XXYLT1: variants seen among roughly 807,000 people sequenced by gnomAD.
XXYLT1 encodes the protein xyloside xylosyltransferase 1.
Under a neutral mutation model 28.9 loss-of-function variants are expected in XXYLT1, and 20 were observed. The ratio of observed to expected loss-of-function variants is 0.69; its 90% CI spans 0.49 to 1.00. XXYLT1 has a LOEUF of 1.00. Among genes scored for constraint, XXYLT1 ranks in the 50% least tolerant of loss-of-function variants. The pLI is 0.00. For missense variants in XXYLT1, 542 were observed against 560.1 expected (o/e 0.97, Z 0.33); for synonymous variants, 257 against 253.8 (o/e 1.01, Z -0.12).
chr3:195,224,353 C>T (rs1723957982), intron 2 of XXYLT1, among the ~76,000 whole-genome samples: 1 of 152,350 alleles, frequency 6.6e-6, no homozygotes, highest in African/African-American at 2.4e-5. Context: ...GACTGCAAAG[C>T]TCTAGCCAGA....
chr3:195,245,683 T>C (rs1193691253), intron 1 of XXYLT1, among the ~76,000 whole-genome samples: 2 of 152,164 alleles, frequency 1.3e-5, no homozygotes, highest in African/African-American at 2.4e-5. Context: ...GACTGGGGCC[T>C]GGTGGGAGGT....
chr3:195,156,946 A>G (rs4490299), intron 2 of XXYLT1, among the ~76,000 whole-genome samples: 3,913 of 152,192 alleles, frequency 0.026, 174 homozygotes, highest in African/African-American at 0.088. Context: ...CTGCTTCCCT[A>G]CATAAAACTC....
At chr3:195,217,986 A>G (rs1288639833) in intron 2 of XXYLT1, among the ~76,000 whole-genome samples, 4 of 150,082 alleles carry the variant, frequency 2.7e-5, no homozygotes, top group Non-Finnish European at 1.5e-5. Context: ...ACGGAACAGA[A>G]CAGAGCCCTC....
chr3:195,069,517 G>C lies in XXYLT1; in HGVS notation c.*198C>G, dbSNP rs1714671766. The C allele has an allele frequency of 2.9e-6, 2 of 688,496 alleles. No individual in the cohort carries two copies. The highest frequency in any genetic ancestry group is 6.2e-5 in the Admixed American group (2 of 32,222). 42.6% of individuals were successfully genotyped at this position (688,496 alleles called of 1,614,324 possible). On this transcript the variant is annotated 3_prime_UTR_variant, in exon 4 of 4. Transcript: ENST00000310380. ...GCTCCCTGGAGGAATAAGGTCCCAAGCACCAGCAGTGCACAGGCCAGTCCT... is the reference window on the plus strand; with the variant it reads ...GCTCCCTGGAGGAATAAGGTCCCAACCACCAGCAGTGCACAGGCCAGTCCT...
At chr3:195,107,741 G>T (rs542703972) in intron 3 of XXYLT1, among the ~76,000 whole-genome samples, 3 of 151,230 alleles carry the variant, frequency 2.0e-5, no homozygotes, top group Non-Finnish European at 2.9e-5. Flanking sequence ...CTGTGACCCC[G>T]TCCTCCCTGC....
In XXYLT1 at chr3:195,221,685, A is replaced by G. The variant is rs111317206; in HGVS notation, c.652+5024T>C. ...CAGGCCATGTGACCCAGGAGGGGGA[A>G]GCTGGCAGTCCTGGAGGAGTTGCCC... On this transcript the variant is annotated intron_variant, in intron 2 of 3. Transcript: ENST00000310380. Among the ~76,000 whole-genome samples, 891 of 152,322 alleles carry G rather than the reference A, an allele frequency of 5.8e-3. 7 individuals carry two copies. Among genetic ancestry groups the G allele is most frequent in the Middle Eastern group, 0.048 (14 of 292 alleles).
At chr3:195,103,389 G>A (rs112193881) in intron 3 of XXYLT1, among the ~76,000 whole-genome samples, 1,621 of 133,500 alleles carry the variant, frequency 0.012, 39 homozygotes, top group African/African-American at 0.047. Flanking sequence ...ATCACCCCAC[G>A]CCAGCGGCCT....
chr3:195,252,499 G>A (rs1356265234), intron 1 of XXYLT1, among the ~76,000 whole-genome samples: 2 of 152,020 alleles, frequency 1.3e-5, no homozygotes, highest in Non-Finnish European at 2.9e-5. Context: ...AAAAAGCGGG[G>A]CTGTGTAATA....
chr3:195,179,057 T>C (rs934988096), intron 2 of XXYLT1, among the ~76,000 whole-genome samples: 1 of 152,088 alleles, frequency 6.6e-6, no homozygotes, highest in African/African-American at 2.4e-5. Flanking sequence ...GAACTCATGA[T>C]GGGGCCGGGC....
intron 3 of XXYLT1, among the ~76,000 whole-genome samples, chr3:195,109,547 G>GGT (rs150076566): frequency 0.63 from 88,877 of 140,878 alleles, 29,373 homozygotes; most frequent in Non-Finnish European, 0.71. Flanking sequence ...ATGTGTAGGG[G>GGT]GTGTGTGTGT....
At chr3:195,088,338 G>A (rs900626035) in intron 3 of XXYLT1, among the ~76,000 whole-genome samples, 1 of 148,990 alleles carries the variant, frequency 6.7e-6, no homozygotes, top group Non-Finnish European at 1.5e-5. Flanking sequence ...CTGGAGATCT[G>A]AGAACGGGCA....
intron 3 of XXYLT1, chr3:195,122,071 T>C: frequency 1.4e-6 from 1 of 703,084 alleles, no homozygotes; most frequent in Non-Finnish European, 2.6e-6. Context: ...CCACTGATTC[T>C]GTGTCTGGTG....
rs956744559 is a variant in XXYLT1 at position 195,076,993 on chromosome 3, C to A, written c.786-6882G>T. 6.6e-6 allele frequency among the ~76,000 whole-genome samples: 1 copy of A among 152,200 alleles called. No individual in the cohort carries two copies. Among genetic ancestry groups the A allele is most frequent in the Non-Finnish European group, 1.5e-5 (1 of 68,036 alleles). On this transcript the variant is annotated intron_variant, in intron 3 of 3. Coordinates refer to ENST00000310380, the MANE Select transcript of XXYLT1 (RefSeq NM_152531.5). The surrounding 1 kb of genome is among the most constrained non-coding windows in gnomAD (Gnocchi z 5.3). The stretch of plus-strand genomic sequence containing the variant: ...GGAATTCTGAGGGACACACTTCAAC[C>A]CACAGCACTCTCCAGCAATGAAGAT...
intron 2 of XXYLT1, chr3:195,175,702 C>T (rs1351391692): frequency 6.5e-7 from 1 of 1,536,144 alleles, no homozygotes; most frequent in Middle Eastern, 1.7e-4. Flanking sequence ...GGACTATGAG[C>T]AGAAGTGCTG....
At chr3:195,070,792 G>A (rs770429976) in intron 3 of XXYLT1, among the ~76,000 whole-genome samples, 8 of 152,216 alleles carry the variant, frequency 5.3e-5, no homozygotes, top group East Asian at 1.9e-4. Context: ...GGGGGCCTGC[G>A]ACAGCCCAGG....
intron 3 of XXYLT1, among the ~76,000 whole-genome samples, chr3:195,075,537 G>A (rs1715065638): frequency 6.6e-6 from 1 of 152,240 alleles, no homozygotes; most frequent in Non-Finnish European, 1.5e-5. Flanking sequence ...AACAAGCCCT[G>A]TGGTGAGGCG....
rs1725436826 is a variant in XXYLT1 at position 195,255,310 on chromosome 3, A to G, written c.504+15245T>C. ...AGGAGTGCAGAGCCAGGTGGGAGAC[A>G]GCAGCGGGGTTCCCTACCCCACACG... On this transcript the variant is annotated intron_variant, in intron 1 of 3. Transcript: ENST00000310380. The surrounding 1 kb of genome is among the most constrained non-coding windows in gnomAD (Gnocchi z 4.5). Among the ~76,000 whole-genome samples the G allele has an allele frequency of 6.6e-6, 1 of 152,198 alleles. No homozygotes were observed. The highest frequency in any genetic ancestry group is 6.5e-5 in the Admixed American group (1 of 15,284).
intron 2 of XXYLT1, among the ~76,000 whole-genome samples, chr3:195,208,764 C>T (rs1723182954): frequency 6.6e-6 from 1 of 152,082 alleles, no homozygotes; most frequent in African/African-American, 2.4e-5. Flanking sequence ...TGCATGAGTC[C>T]CACTTTCTCA....
rs1285568524 is a variant in XXYLT1 at position 195,256,411 on chromosome 3, G to A, written c.504+14144C>T. 5 of 863,652 alleles carry A rather than the reference G, an allele frequency of 5.8e-6. No individual in the cohort carries two copies. Among genetic ancestry groups the A allele is most frequent in the Admixed American group, 6.2e-5 (1 of 16,090 alleles). The allele number at this position is 863,652 out of a possible 1,614,324, so 53.5% of individuals were successfully genotyped here. A position where few individuals can be genotyped will look rare whatever the true frequency, so the allele number is the denominator to read the frequency against. ...CAAGTCCCTCGCCCTCATGCTCCGC[G>A]CAGGCCTGAGGTGCGGCCCTGCACA... On this transcript the variant is annotated intron_variant, in intron 1 of 3. Coordinates refer to ENST00000310380, the MANE Select transcript of XXYLT1 (RefSeq NM_152531.5). This position sits in a 1 kb window ranked among gnomAD's most constrained non-coding sequence, Gnocchi z 4.2.
Sources: allele counts gnomAD v4.1 joint callset (sites outside exome capture counted in the v4.1 genomes callset), GRCh38; gene constraint gnomAD v4.1.1; non-coding constraint Gnocchi (gnomAD v3.1); transcripts MANE v1.5; gene names NCBI Gene and HGNC (gene_info 2026-07-23, HGNC 2026-07-21).